XIRP2: variants seen among roughly 807,000 people sequenced by gnomAD.
The protein encoded by XIRP2 is xin actin binding repeat containing 2, also known as xin actin-binding repeat-containing protein 2.
A neutral mutation model predicts 277.0 loss-of-function variants in XIRP2; 236 were observed. The ratio of observed to expected loss-of-function variants is 0.85; its 90% CI spans 0.77 to 0.95. The LOEUF is 0.95. XIRP2 is among the 40% of genes least tolerant of loss of function. XIRP2 has a pLI of 0.00. For synonymous variants in XIRP2, 1,490 were observed against 1,416.5 expected (o/e 1.05, Z -1.17); for missense variants, 4,640 against 4,157.5 (o/e 1.12, Z -3.19).
intron 3 of XIRP2, among the ~76,000 whole-genome samples, chr2:167,177,489 T>TA (rs545638319): frequency 1.3e-5 from 2 of 152,284 alleles, no homozygotes; most frequent in South Asian, 4.1e-4. Flanking sequence ...AAACATTTTA[T>TA]AAAAAAAGTC....
intron 9 of XIRP2, among the ~76,000 whole-genome samples, chr2:167,252,761 ATTAGT>A (rs1165740490): frequency 6.6e-6 from 1 of 151,990 alleles, no homozygotes; most frequent in African/African-American, 2.4e-5. Flanking sequence ...AATGTGCATC[ATTAGT>A]TTAGTCCATT....
Position 167,251,294 on chromosome 2 carries a change from T to C in XIRP2, c.9902T>C (p.Val3301Ala). 2 of 1,613,594 alleles carry C rather than the reference T, an allele frequency of 1.2e-6. No individual in the cohort carries two copies. Among genetic ancestry groups the C allele is most frequent in the South Asian group, 1.1e-5 (1 of 91,082 alleles). ...GTTGAAATCATCCGCAAGGTTGCAG[T>C]GCCTCCTCGCCTGTCAGAGCACACA... ...DAVEIIRKVA[V>A]PPRLSEHTQR... The change falls in exon 9 of 11, where the codon GTG becomes GCG. Residue 3301 changes from valine to alanine, a missense_variant. Transcript: ENST00000409195.
At position 167,116,454 on chromosome 2, in the gene XIRP2, C is replaced by T. The variant is rs565021821; in HGVS notation, c.409-19455C>T. 9.9e-5 allele frequency among the ~76,000 whole-genome samples: 15 copies of T among 152,174 alleles called. No individual in the cohort carries two copies. The South Asian group carries it at 3.1e-3, about 32-fold the overall frequency. On this transcript the variant is annotated intron_variant, in intron 2 of 10. Transcript: ENST00000409195. Reference sequence around the variant, plus strand: ...ATTTCATCTGATATTAATATAGGTACTCCTACTTTCTTTTGATAAAAGTTT... The same window carrying T: ...ATTTCATCTGATATTAATATAGGTATTCCTACTTTCTTTTGATAAAAGTTT...
chr2:167,162,622 T>C (rs1692404264), intron 3 of XIRP2, among the ~76,000 whole-genome samples: 1 of 152,208 alleles, frequency 6.6e-6, no homozygotes. Context: ...TAAGATGAGA[T>C]TTGGGTGGGG....
intron 3 of XIRP2, among the ~76,000 whole-genome samples, chr2:167,192,804 C>A (rs992014108): frequency 5.9e-5 from 9 of 152,150 alleles, no homozygotes; most frequent in African/African-American, 2.2e-4. Flanking sequence ...AAGGGAGGCA[C>A]TGAGGAAAAG....
Position 167,004,639 on chromosome 2 carries a change from C to T in XIRP2, c.408+100749C>T, listed in dbSNP as rs528609901. ...GGACAAGACAAAGGCATTAGAGGAC[C>T]GGAAGCTATTTCAAGTACAAATGTA... On this transcript the variant is annotated intron_variant, in intron 2 of 10. Coordinates refer to ENST00000409195, the MANE Select transcript of XIRP2 (RefSeq NM_152381.6). Among the ~76,000 whole-genome samples, 45 of 151,744 alleles carry T rather than the reference C, an allele frequency of 3.0e-4. No individual in the cohort carries two copies. In the South Asian group the frequency reaches 8.1e-3, roughly 27 times the overall value.
At position 167,243,594 on chromosome 2, in the gene XIRP2, A is replaced by T. The variant is rs754069290; in HGVS notation, c.2202A>T (p.Lys734Asn). ...EIKGNVKRSI[K>N]CFETQPLYVI... ...AGGGAAATGTTAAAAGAAGTATAAA[A>T]TGTTTCGAAACTCAACCATTATATG... Residue 734 changes from lysine (K) to asparagine (N), a missense_variant, in exon 9 of 11, where the codon AAA (lysine) becomes AAT (asparagine). Lys to Asn is a moderately conservative substitution (Grantham distance 94, BLOSUM62 0). Transcript: ENST00000409195. 6.2e-7 allele frequency: 1 copy of T among 1,614,046 alleles called. No individual in the cohort carries two copies.
intron 2 of XIRP2, among the ~76,000 whole-genome samples, chr2:166,968,682 C>T (rs936580085): frequency 1.3e-5 from 2 of 151,930 alleles, no homozygotes; most frequent in Admixed American, 6.6e-5. Flanking sequence ...ATTAGATCTT[C>T]TCTGTTTTCA....
chr2:167,191,834 A>G (rs553094276), intron 3 of XIRP2, among the ~76,000 whole-genome samples: 2 of 152,290 alleles, frequency 1.3e-5, no homozygotes, highest in African/African-American at 4.8e-5. Context: ...TGCCTTAGAT[A>G]GGTCTGACTG....
chr2:166,964,385 G>T (rs1163288078), intron 2 of XIRP2, among the ~76,000 whole-genome samples: 1 of 151,750 alleles, frequency 6.6e-6, no homozygotes, highest in Non-Finnish European at 1.5e-5. Context: ...TAAGATTAGG[G>T]TCATCTAGCT....
At chr2:167,227,149 C>T (rs996982584) in intron 5 of XIRP2, among the ~76,000 whole-genome samples, 4 of 152,104 alleles carry the variant, frequency 2.6e-5, no homozygotes, top group South Asian at 2.1e-4. Context: ...TGCGTGCACA[C>T]GTCATTCTGT....
rs60405920 is a variant in XIRP2 at position 167,095,851 on chromosome 2, C to CTTT, written c.409-40020_409-40018dup. ...TAAAAATGATTTAGGAGGCGTCACT[C>CTTT]TTTTTTTTTTTTTTTTTTTTTTTTT... is the stretch of plus-strand genomic sequence containing the variant. On this transcript the variant is annotated intron_variant, in intron 2 of 10. Coordinates refer to ENST00000409195, the MANE Select transcript of XIRP2 (RefSeq NM_152381.6). Among the ~76,000 whole-genome samples, 298 of 47,302 alleles carry CTTT rather than the reference C, an allele frequency of 6.3e-3. 104 individuals are homozygous for CTTT. Among genetic ancestry groups the CTTT allele is most frequent in the Non-Finnish European group, 0.011 (223 of 20,636 alleles). 31.0% of individuals were successfully genotyped at this position (47,302 alleles called of 152,430 possible).
At chr2:166,969,862 CT>C (rs1686532481) in intron 2 of XIRP2, among the ~76,000 whole-genome samples, 2 of 151,906 alleles carry the variant, frequency 1.3e-5, no homozygotes, top group African/African-American at 4.8e-5. Flanking sequence ...GCAACTCCCC[CT>C]GTATCCTTAA....
At chr2:167,184,448 A>G in intron 3 of XIRP2, 1 of 651,576 alleles carries the variant, frequency 1.5e-6, no homozygotes, top group Non-Finnish European at 2.8e-6. Context: ...CATCTTAGAC[A>G]GAAAATAGAA....
intron 2 of XIRP2, among the ~76,000 whole-genome samples, chr2:166,943,018 A>G (rs995599762): frequency 6.6e-6 from 1 of 152,162 alleles, no homozygotes; most frequent in African/African-American, 2.4e-5. Context: ...CTTTCATTAA[A>G]TTTAAATTTA....
chr2:166,905,139 T>C (rs12620360), intron 2 of XIRP2, among the ~76,000 whole-genome samples: 3 of 152,038 alleles, frequency 2.0e-5, no homozygotes, highest in African/African-American at 2.4e-5. Flanking sequence ...TTTTTGTTTA[T>C]ACTTTTATAT....
At chr2:167,094,328 C>T (rs1164655993) in intron 2 of XIRP2, among the ~76,000 whole-genome samples, 2 of 152,070 alleles carry the variant, frequency 1.3e-5, no homozygotes, top group Admixed American at 6.6e-5. Context: ...AATTAGATCC[C>T]GTTTGTCAAT....
chr2:167,083,769 GT>G (rs1358753760), intron 2 of XIRP2, among the ~76,000 whole-genome samples: 1 of 152,168 alleles, frequency 6.6e-6, no homozygotes, highest in Non-Finnish European at 1.5e-5. Flanking sequence ...AAGAATGCTT[GT>G]GATTTTTGTG....
intron 2 of XIRP2, among the ~76,000 whole-genome samples, chr2:166,926,845 AC>A (rs1685201040): frequency 6.6e-6 from 1 of 152,098 alleles, no homozygotes; most frequent in Non-Finnish European, 1.5e-5. Context: ...AAATAAATAA[AC>A]CAGCAGCTGT....
Sources: allele counts gnomAD v4.1 joint callset (sites outside exome capture counted in the v4.1 genomes callset), GRCh38; gene constraint gnomAD v4.1.1; transcripts MANE v1.5; gene names NCBI Gene and HGNC (gene_info 2026-07-23, HGNC 2026-07-21).